PTGFRN: variants seen among roughly 807,000 people sequenced by gnomAD.
The protein encoded by PTGFRN is prostaglandin F2 receptor inhibitor, also known as prostaglandin F2 receptor negative regulator.
In PTGFRN, 35 loss-of-function variants were observed where a neutral mutation model predicts 83.2. The observed-to-expected ratio is 0.42, with a 90% CI of 0.32 to 0.56. PTGFRN has a LOEUF of 0.56. Among genes scored for constraint, PTGFRN ranks in the 20% least tolerant of loss-of-function variants. PTGFRN has a pLI of 0.11. For missense variants in PTGFRN, 1,051 were observed against 1,179.5 expected (o/e 0.89, Z 1.60); for synonymous variants, 519 against 498.6 (o/e 1.04, Z -0.55).
chr1:116,981,540 A>AC (rs1313029278), intron 7 of PTGFRN, among the ~76,000 whole-genome samples: 3 of 152,164 alleles, frequency 2.0e-5, no homozygotes, highest in African/African-American at 7.2e-5. Flanking sequence ...TGAGCAGGGG[A>AC]CTGGGTAACA....
chr1:116,971,293 C>T (rs1650987101), intron 6 of PTGFRN, among the ~76,000 whole-genome samples: 1 of 151,944 alleles, frequency 6.6e-6, no homozygotes, highest in Non-Finnish European at 1.5e-5. Flanking sequence ...TAGCCATTAC[C>T]CTATTGATGG....
chr1:116,950,380 C>A (rs1022909956), intron 4 of PTGFRN, among the ~76,000 whole-genome samples: 4 of 152,158 alleles, frequency 2.6e-5, no homozygotes, highest in African/African-American at 9.7e-5. Context: ...AGCTTCGCTC[C>A]CCACCTCCAT....
chr1:116,940,549 T>G (rs1220175385), intron 1 of PTGFRN, among the ~76,000 whole-genome samples: 2 of 152,180 alleles, frequency 1.3e-5, no homozygotes, highest in Non-Finnish European at 2.9e-5. Context: ...CCACAAGGAA[T>G]TTTGGATGGG....
chr1:116,968,028 A>G (rs1045411810), intron 6 of PTGFRN, among the ~76,000 whole-genome samples: 2 of 152,220 alleles, frequency 1.3e-5, no homozygotes, highest in Non-Finnish European at 2.9e-5. Flanking sequence ...TGAGCCTCCC[A>G]AGGTGTTAAA....
chr1:116,973,081 C>T (rs113420665), intron 6 of PTGFRN, among the ~76,000 whole-genome samples: 7 of 152,092 alleles, frequency 4.6e-5, no homozygotes, highest in South Asian at 2.1e-4. Context: ...TGTGCACCAC[C>T]GTGCTCAGCT....
chr1:116,949,307 C>G lies in PTGFRN; in HGVS notation c.948C>G (p.Ser316=). The G allele has an allele frequency of 8.1e-6, 13 of 1,614,258 alleles. No homozygotes were observed. The highest frequency in any genetic ancestry group is 1.1e-5 in the Non-Finnish European group (13 of 1,180,048). The part of the protein sequence containing the change: ...ADDVRPEVTW[S]FSRMPDSTLP... ...ACGTCCGGCCCGAGGTGACGTGGTCCTTCAGCAGGATGCCTGACAGCACCC... is the reference window on the plus strand; with the variant it reads ...ACGTCCGGCCCGAGGTGACGTGGTCGTTCAGCAGGATGCCTGACAGCACCC... The change falls in exon 4 of 9, where the codon TCC becomes TCG. Residue 316 remains serine (S), a synonymous_variant. Coordinates refer to ENST00000393203, the MANE Select transcript of PTGFRN (RefSeq NM_020440.4).
chr1:116,982,519 G>C (rs1651348463), intron 7 of PTGFRN, among the ~76,000 whole-genome samples: 1 of 152,114 alleles, frequency 6.6e-6, no homozygotes, highest in African/African-American at 2.4e-5. Flanking sequence ...AGCAGACTTT[G>C]GCCCTTCTGA....
intron 1 of PTGFRN, among the ~76,000 whole-genome samples, chr1:116,925,512 G>GATCC (rs1649637143): frequency 6.6e-6 from 1 of 152,152 alleles, no homozygotes; most frequent in African/African-American, 2.4e-5. Flanking sequence ...AGCTAGTGTG[G>GATCC]AGGGTTGAGT....
At position 116,966,899 on chromosome 1, in the gene PTGFRN, C is replaced by T; in HGVS notation, c.1640-12C>T. The T allele has an allele frequency of 6.3e-7, 1 of 1,579,136 alleles. No homozygotes were observed. The highest frequency in any genetic ancestry group is 8.6e-7 in the Non-Finnish European group (1 of 1,157,524). On this transcript the variant is annotated splice_polypyrimidine_tract_variant and intron_variant, in intron 5 of 8. Coordinates refer to ENST00000393203, the MANE Select transcript of PTGFRN (RefSeq NM_020440.4). ...TTGTTGGAAATCACATCCTTCTGGT[C>T]ATTCATTCCAGATTCCGTGCTTGTG...
At chr1:116,986,681 G>T in intron 8 of PTGFRN, 120 bp from the exon 9 acceptor site, 1 of 940,778 alleles carries the variant, frequency 1.1e-6, no homozygotes, top group African/African-American at 1.6e-5. Flanking sequence ...CTAGATGCAG[G>T]AGGAATGAGA....
chr1:116,985,022 T>C, intron 8 of PTGFRN, 37 bp downstream of exon 8: 1 of 1,566,878 alleles, frequency 6.4e-7, no homozygotes, highest in Non-Finnish European at 8.6e-7. Flanking sequence ...TGTTTGGGAA[T>C]GTCTTCTTCT....
chr1:116,984,503 G>A (rs1190091870), intron 7 of PTGFRN, among the ~76,000 whole-genome samples, 177 bp from the exon 8 acceptor site: 1 of 152,186 alleles, frequency 6.6e-6, no homozygotes, highest in Non-Finnish European at 1.5e-5. Context: ...GGCAATAATG[G>A]CAGAATAAAA....
rs1650548469 is a variant in PTGFRN, at chr1:116,958,107, TTTGAAAAGGTGCCAC to T, written c.1214-3134_1214-3120del. On this transcript the variant is annotated intron_variant, in intron 4 of 8. Coordinates refer to ENST00000393203, the MANE Select transcript of PTGFRN (RefSeq NM_020440.4). This position sits in a 1 kb window ranked among gnomAD's most constrained non-coding sequence, Gnocchi z 4.9. ...ATCTTTCATCATAATTTTGACAGCCTTTGAAAAGGTGCCACTCTGAAAGAATCTGCACGGGGGTGG... is the reference window on the plus strand; with the variant it reads ...ATCTTTCATCATAATTTTGACAGCCTTCTGAAAGAATCTGCACGGGGGTGG... Among the ~76,000 whole-genome samples the T allele has an allele frequency of 6.6e-6, 1 of 152,166 alleles. No individual in the cohort carries two copies. The highest frequency in any genetic ancestry group is 2.4e-5 in the African/African-American group (1 of 41,428).
At position 116,944,952 on chromosome 1, in the gene PTGFRN, G is replaced by T. The variant is rs368991785; in HGVS notation, c.692G>T (p.Arg231Leu). Residue 231 changes from arginine (R) to leucine (L), a missense_variant, in exon 3 of 9, where the codon CGC (arginine) becomes CTC (leucine). This residue lies in a region of PTGFRN where 205 missense variants were observed against 174.5 expected (regional missense o/e 1.17). Transcript: ENST00000393203. Reference protein sequence around the residue: ...RLDTVGSDAYRLSVSRALSAD... With the variant: ...RLDTVGSDAYLLSVSRALSAD... Reference sequence around the variant, plus strand: ...GACACCGTGGGCAGCGACGCCTACCGCCTCTCAGTGTCCCGGGCTCTGTCT... The same window carrying T: ...GACACCGTGGGCAGCGACGCCTACCTCCTCTCAGTGTCCCGGGCTCTGTCT... The T allele has an allele frequency of 5.6e-6, 9 of 1,613,402 alleles. No homozygotes were observed. In the African/African-American group the frequency reaches 8.0e-5, roughly 14 times the overall value.
At chr1:116,946,322 T>G (rs1650201257) in intron 3 of PTGFRN, among the ~76,000 whole-genome samples, 1 of 152,184 alleles carries the variant, frequency 6.6e-6, no homozygotes, top group Non-Finnish European at 1.5e-5. Context: ...GGTCTGAGGT[T>G]CTTGAGTGAC....
chr1:116,983,595 A>G (rs1651380983), intron 7 of PTGFRN, among the ~76,000 whole-genome samples: 1 of 152,048 alleles, frequency 6.6e-6, no homozygotes, highest in South Asian at 2.1e-4. Flanking sequence ...GAGCTAAGGA[A>G]GAATTATCAT....
rs543901484 is a variant in PTGFRN, at chr1:116,987,329, A to C, written c.*362A>C. ...GTTGTGGTGAGGAAGGGGTGATGGC[A>C]TGCGGAGTTCTTTATCTTCAGTGAG... is the stretch of plus-strand genomic sequence containing the variant. On this transcript the variant is annotated 3_prime_UTR_variant, in exon 9 of 9. Coordinates refer to ENST00000393203, the MANE Select transcript of PTGFRN (RefSeq NM_020440.4). The C allele has an allele frequency of 7.9e-5, 18 of 227,788 alleles. No individual in the cohort carries two copies. The highest frequency in any genetic ancestry group is 3.9e-4 in the African/African-American group (17 of 43,506). The allele number at this position is 227,788 out of a possible 1,614,324, so 14.1% of individuals were successfully genotyped here.
intron 1 of PTGFRN, among the ~76,000 whole-genome samples, chr1:116,938,746 C>A (rs1235898017): frequency 6.6e-6 from 1 of 152,164 alleles, no homozygotes; most frequent in Non-Finnish European, 1.5e-5. Flanking sequence ...CTTACAAGTC[C>A]ACAGTTCAAA....
intron 8 of PTGFRN, 38 bp downstream of exon 8, chr1:116,985,023 GT>G: frequency 6.3e-7 from 1 of 1,581,242 alleles, no homozygotes; most frequent in Non-Finnish European, 8.6e-7. Flanking sequence ...GTTTGGGAAT[GT>G]CTTCTTCTTG....
Sources: gnomAD v4.1 joint callset for allele counts (sites outside exome capture counted in the v4.1 genomes callset) on GRCh38, gnomAD v4.1.1 for gene constraint, gnomAD v4.1.1 regional missense constraint, Gnocchi (gnomAD v3.1) non-coding constraint, MANE v1.5 for transcripts, NCBI Gene and HGNC (gene_info 2026-07-23, HGNC 2026-07-21) for gene names.